DLG2: variants seen among roughly 807,000 people sequenced by gnomAD.
The protein encoded by DLG2 is disks large homolog 2.
A neutral mutation model predicts 132.5 loss-of-function variants in DLG2; 45 were observed. The ratio of observed to expected loss-of-function variants is 0.34; its 90% CI spans 0.27 to 0.44. The LOEUF is 0.44. DLG2 is among the 20% of genes least tolerant of loss of function. DLG2 has a pLI of 1.00. For missense variants in DLG2, 1,045 were observed against 1,196.9 expected, an observed-to-expected ratio of 0.87 and a Z score of 1.87; for synonymous variants, 424 against 419.6, an observed-to-expected ratio of 1.01 and a Z score of -0.13.
chr11:85,546,151 C>T (rs1273599993), intron 3 of DLG2, among the ~76,000 whole-genome samples: 2 of 152,196 alleles, frequency 1.3e-5, no homozygotes, highest in Admixed American at 6.5e-5. Context: ...TCCCTCTACA[C>T]ACTGCTTTAA....
intron 8 of DLG2, among the ~76,000 whole-genome samples, chr11:84,210,835 A>G (rs1297832707): frequency 6.6e-6 from 1 of 152,182 alleles, no homozygotes. Flanking sequence ...TGATTCTGGG[A>G]GGGCACAGAC....
At chr11:84,574,890 C>T (rs1485645849) in intron 6 of DLG2, among the ~76,000 whole-genome samples, 1 of 152,126 alleles carries the variant, frequency 6.6e-6, no homozygotes, top group East Asian at 1.9e-4. Context: ...TGTTTTTCTG[C>T]CATTAACCAG....
intron 6 of DLG2, among the ~76,000 whole-genome samples, chr11:85,067,584 A>C (rs1222331393): frequency 6.6e-6 from 1 of 151,940 alleles, no homozygotes; most frequent in South Asian, 2.1e-4. Flanking sequence ...AGACTAAACC[A>C]GGAAGAAGTT....
intron 6 of DLG2, among the ~76,000 whole-genome samples, chr11:84,571,652 A>G (rs2099485332): frequency 6.6e-6 from 1 of 152,020 alleles, no homozygotes; most frequent in South Asian, 2.1e-4. Context: ...TTTTTTCTAC[A>G]CAGTTTCAAG....
intron 6 of DLG2, among the ~76,000 whole-genome samples, chr11:85,097,988 AT>A (rs1368686000): frequency 1.3e-5 from 2 of 152,236 alleles, no homozygotes; most frequent in African/African-American, 4.8e-5. Flanking sequence ...AAGGAAAGCC[AT>A]TCTTTAAAAA....
intron 18 of DLG2, among the ~76,000 whole-genome samples, chr11:83,704,502 G>T (rs192984628): frequency 0.012 from 1,889 of 151,430 alleles, 48 homozygotes; most frequent in African/African-American, 0.04. Flanking sequence ...ATAGTTTCTG[G>T]TTTTTTCTTT....
intron 8 of DLG2, among the ~76,000 whole-genome samples, chr11:84,210,905 G>T (rs2096745969): frequency 6.6e-6 from 1 of 152,262 alleles, no homozygotes; most frequent in South Asian, 2.1e-4. Context: ...TCAGTTTAAA[G>T]TGTTACACAA....
Position 85,253,502 on chromosome 11 carries a change from G to A in DLG2, c.186+31718C>T, listed in dbSNP as rs144039373. On this transcript the variant is annotated intron_variant, in intron 4 of 27. Transcript: ENST00000376104. Reference sequence around the variant, plus strand: ...AATAGAAGCAGGTGCAGGAGCCAGGGTGAGTGCTTTTGGGCACCGACAAGA... The same window carrying A: ...AATAGAAGCAGGTGCAGGAGCCAGGATGAGTGCTTTTGGGCACCGACAAGA... Among the ~76,000 whole-genome samples the A allele has an allele frequency of 7.0e-4, 106 of 152,254 alleles. 1 individual carries two copies. The East Asian group carries it at 8.3e-3, about 12-fold the overall frequency.
intron 4 of DLG2, 138 bp downstream of exon 4, chr11:85,285,082 T>C: frequency 3.0e-6 from 2 of 658,684 alleles, no homozygotes; most frequent in Non-Finnish European, 4.8e-6. Context: ...TATATGAAAA[T>C]TGCATACAGT....
chr11:83,932,236 G>T (rs1565693993), intron 14 of DLG2, among the ~76,000 whole-genome samples: 1 of 150,054 alleles, frequency 6.7e-6, no homozygotes, highest in Admixed American at 6.6e-5. Flanking sequence ...CACATTTGAA[G>T]ATTTTTTTTT....
intron 6 of DLG2, among the ~76,000 whole-genome samples, chr11:84,835,212 T>C (rs1016117883): frequency 6.6e-6 from 1 of 151,678 alleles, no homozygotes; most frequent in African/African-American, 2.4e-5. Flanking sequence ...AGGGCAGGGA[T>C]ACTTTTGTTT....
intron 4 of DLG2, among the ~76,000 whole-genome samples, chr11:85,192,814 C>T (rs557432529): frequency 7.2e-5 from 11 of 152,246 alleles, no homozygotes; most frequent in South Asian, 2.1e-4. Flanking sequence ...TAAACCGGCA[C>T]GGTAATAGCA....
chr11:84,343,482 T>C (rs992365702), intron 7 of DLG2, among the ~76,000 whole-genome samples: 1 of 152,228 alleles, frequency 6.6e-6, no homozygotes, highest in Non-Finnish European at 1.5e-5. Context: ...TGTCAAGAAC[T>C]CTGCCAGAAA....
chr11:84,234,685 T>C (rs961718702), intron 8 of DLG2, among the ~76,000 whole-genome samples: 3 of 152,148 alleles, frequency 2.0e-5, no homozygotes, highest in South Asian at 2.1e-4. Context: ...CCTCCTCCCG[T>C]TGGAATTCAG....
intron 5 of DLG2, among the ~76,000 whole-genome samples, chr11:85,150,622 T>C (rs2077181383): frequency 6.6e-6 from 1 of 152,092 alleles, no homozygotes; most frequent in East Asian, 1.9e-4. Flanking sequence ...GACTGGCTTA[T>C]TTTGCTTAGC....
chr11:85,509,875 G>C (rs2094018060), intron 3 of DLG2: 1 of 151,966 alleles, frequency 6.6e-6, no homozygotes, highest in African/African-American at 2.4e-5. Flanking sequence ...TAATGAGGCA[G>C]ATCATGGAAT....
chr11:84,508,733 A>C (rs1235123121), intron 7 of DLG2, among the ~76,000 whole-genome samples: 1 of 152,098 alleles, frequency 6.6e-6, no homozygotes, highest in Non-Finnish European at 1.5e-5. Flanking sequence ...TACTTATTTA[A>C]TAGCACTTAC....
chr11:85,471,213 C>T (rs754302778), intron 3 of DLG2, among the ~76,000 whole-genome samples: 3 of 152,082 alleles, frequency 2.0e-5, no homozygotes, highest in Non-Finnish European at 1.5e-5. Context: ...GCAAGAAGAA[C>T]GAATGCAGTT....
chr11:83,763,020 G>C (rs557727043), intron 18 of DLG2, among the ~76,000 whole-genome samples: 1 of 152,256 alleles, frequency 6.6e-6, no homozygotes, highest in African/African-American at 2.4e-5. Context: ...TTTTTGAGCA[G>C]CAACCTCCCT....
Sources: gnomAD v4.1 joint callset for allele counts (sites outside exome capture counted in the v4.1 genomes callset) on GRCh38, gnomAD v4.1.1 for gene constraint, MANE v1.5 for transcripts, NCBI Gene and HGNC (gene_info 2026-07-23, HGNC 2026-07-21) for gene names.